PAN3: variants seen among roughly 807,000 people sequenced by gnomAD.
The protein encoded by PAN3 is poly(A) specific ribonuclease subunit PAN3.
In PAN3, 19 loss-of-function variants were observed where a neutral mutation model predicts 96.2. The observed-to-expected ratio is 0.20, with a 90% CI of 0.14 to 0.29. The LOEUF (loss-of-function observed/expected upper bound fraction) is 0.29, where lower values mean the gene tolerates loss of function less well. Among genes scored for constraint, PAN3 ranks in the 10% least tolerant of loss-of-function variants. The pLI, the probability that PAN3 is intolerant of heterozygous loss-of-function variation, is 1.00. For missense variants in PAN3, 882 were observed against 1,108.1 expected, an observed-to-expected ratio of 0.80 and a Z score of 2.90; for synonymous variants, 433 against 406.6, an observed-to-expected ratio of 1.06 and a Z score of -0.78.
rs572977559 is a variant in PAN3 at position 28,259,064 on chromosome 13, C to T, written c.1249-1383C>T. 5.3e-4 allele frequency among the ~76,000 whole-genome samples: 81 copies of T among 152,138 alleles called. 2 individuals carry two copies. The South Asian group carries it at 0.016, about 30-fold the overall frequency. ...ACTATGTGACATTTCTTCCAAAGAG[C>T]TACTTTTATCTTCTCAATGGAGCTT... On this transcript the variant is annotated intron_variant, in intron 7 of 18. Coordinates refer to ENST00000380958, the MANE Select transcript of PAN3 (RefSeq NM_175854.8).
At chr13:28,234,769 C>T (rs996438211) in intron 6 of PAN3, among the ~76,000 whole-genome samples, 1 of 151,908 alleles carries the variant, frequency 6.6e-6, no homozygotes, top group Non-Finnish European at 1.5e-5. Context: ...AATTTCAAAA[C>T]CTTCATTTTA....
chr13:28,209,863 CT>C (rs1879826560), intron 5 of PAN3, among the ~76,000 whole-genome samples: 1 of 152,068 alleles, frequency 6.6e-6, no homozygotes, highest in Non-Finnish European at 1.5e-5. Context: ...TCACTGTAGC[CT>C]TGATCTTCTG....
At chr13:28,203,314 T>C (rs890253713) in intron 5 of PAN3, among the ~76,000 whole-genome samples, 5 of 152,044 alleles carry the variant, frequency 3.3e-5, no homozygotes, top group African/African-American at 1.2e-4. Context: ...TTTATTTATT[T>C]ACTTATTGAG....
At position 28,256,360 on chromosome 13, in the gene PAN3, C is replaced by T. The variant is rs868765164; in HGVS notation, c.1069C>T (p.Pro357Ser). Residue 357 changes from proline (P) to serine (S), a missense_variant, in exon 7 of 19, where the codon CCC (proline) becomes TCC (serine). Transcript: ENST00000380958. ...PKITPHTSPA[P>S]RRRSHTPNPA... Reference sequence around the variant, plus strand: ...GATTACTCCACATACTTCTCCTGCTCCCAGAAGAAGAAGTCACACTCCAAA... The same window carrying T: ...GATTACTCCACATACTTCTCCTGCTTCCAGAAGAAGAAGTCACACTCCAAA... 6.2e-7 allele frequency: 1 copy of T among 1,613,378 alleles called. No homozygotes were observed. Among genetic ancestry groups the T allele is most frequent in the Non-Finnish European group, 8.5e-7 (1 of 1,179,282 alleles).
chr13:28,214,834 C>T (rs17760990), intron 5 of PAN3: 33,025 of 667,258 alleles, frequency 0.049, 977 homozygotes, highest in Non-Finnish European at 0.066. Flanking sequence ...ACTGGGACAT[C>T]TCAGGCTGAC....
intron 15 of PAN3, among the ~76,000 whole-genome samples, chr13:28,278,917 A>G (rs1196667017): frequency 6.6e-6 from 1 of 152,118 alleles, no homozygotes; most frequent in East Asian, 1.9e-4. Flanking sequence ...TGACTACTAT[A>G]TGCCAAATGC....
intron 5 of PAN3, among the ~76,000 whole-genome samples, chr13:28,217,598 CAAAA>C (rs11426953): frequency 3.1e-5 from 4 of 130,786 alleles, no homozygotes; most frequent in African/African-American, 3.1e-5. Context: ...AAAAAAAAAA[CAAAA>C]AAAAAATTGT....
At chr13:28,149,796 T>C (rs1871133269) in intron 1 of PAN3, among the ~76,000 whole-genome samples, 2 of 152,068 alleles carry the variant, frequency 1.3e-5, no homozygotes, top group Admixed American at 6.6e-5. Context: ...TTTAAATTTT[T>C]TGTAGAGATA....
intron 5 of PAN3, among the ~76,000 whole-genome samples, chr13:28,212,111 G>T (rs1880112118): frequency 1.3e-5 from 2 of 152,224 alleles, no homozygotes; most frequent in African/African-American, 2.4e-5. Context: ...GAGGCTACCA[G>T]AGCTGGAAAA....
chr13:28,276,506 T>C (rs1388872699), intron 14 of PAN3, among the ~76,000 whole-genome samples: 1 of 152,180 alleles, frequency 6.6e-6, no homozygotes, highest in Non-Finnish European at 1.5e-5. Flanking sequence ...CAGCTGTCTT[T>C]TGAAAATCCT....
intron 5 of PAN3, among the ~76,000 whole-genome samples, chr13:28,206,402 T>C (rs1879372682): frequency 6.7e-6 from 1 of 148,848 alleles, no homozygotes; most frequent in African/African-American, 2.5e-5. Flanking sequence ...CGGCTTACTA[T>C]AGTGTCTGCC....
intron 5 of PAN3, among the ~76,000 whole-genome samples, chr13:28,200,826 C>T (rs1878603913): frequency 2.0e-5 from 3 of 152,188 alleles, no homozygotes; most frequent in Admixed American, 6.5e-5. Flanking sequence ...AGTCCGCAGT[C>T]GGGAACCTTT....
chr13:28,231,844 G>T (rs1038516122), intron 6 of PAN3, among the ~76,000 whole-genome samples: 2 of 152,162 alleles, frequency 1.3e-5, no homozygotes, highest in African/African-American at 4.8e-5. Context: ...CAAGGCTGGA[G>T]TGAGCTATGA....
chr13:28,147,916 A>G (rs576496427), intron 1 of PAN3, among the ~76,000 whole-genome samples: 1 of 152,280 alleles, frequency 6.6e-6, no homozygotes, highest in South Asian at 2.1e-4. Flanking sequence ...TCTGTAAAAA[A>G]TAAAGATACT....
intron 6 of PAN3, among the ~76,000 whole-genome samples, chr13:28,230,272 G>A (rs111751066): frequency 6.6e-6 from 1 of 151,866 alleles, no homozygotes; most frequent in African/African-American, 2.4e-5. Context: ...TCTGGGAAAC[G>A]GATTCCTTCC....
At chr13:28,213,090 T>A (rs926242120) in intron 5 of PAN3, among the ~76,000 whole-genome samples, 1 of 152,146 alleles carries the variant, frequency 6.6e-6, no homozygotes, top group African/African-American at 2.4e-5. Flanking sequence ...TATCCATGGG[T>A]TCTGCATTCT....
chr13:28,169,373 G>C (rs148415655), intron 1 of PAN3, among the ~76,000 whole-genome samples: 111 of 151,300 alleles, frequency 7.3e-4, no homozygotes, highest in African/African-American at 2.6e-3. Context: ...GGTCTTACAG[G>C]TGCCCACCAC....
At chr13:28,223,263 A>G (rs1881593786) in intron 6 of PAN3, among the ~76,000 whole-genome samples, 1 of 152,236 alleles carries the variant, frequency 6.6e-6, no homozygotes, top group Non-Finnish European at 1.5e-5. Flanking sequence ...AATTTGTGAC[A>G]TGTATTTCTA....
intron 4 of PAN3, among the ~76,000 whole-genome samples, chr13:28,180,086 C>T (rs963857236): frequency 1.3e-5 from 2 of 152,074 alleles, no homozygotes; most frequent in Non-Finnish European, 2.9e-5. Flanking sequence ...ATATTTGAGG[C>T]CCTGGATCTC....
Sources: gnomAD v4.1 joint callset for allele counts (sites outside exome capture counted in the v4.1 genomes callset) on GRCh38, gnomAD v4.1.1 for gene constraint, MANE v1.5 for transcripts, NCBI Gene and HGNC (gene_info 2026-07-23, HGNC 2026-07-21) for gene names.